Variants in CTIF observed in about 807,000 individuals in gnomAD.
CTIF encodes CBP80/20-dependent translation initiation factor.
A neutral mutation model predicts 66.0 loss-of-function variants in CTIF; 21 were observed. The ratio of observed to expected loss-of-function variants is 0.32; its 90% CI spans 0.23 to 0.46. The LOEUF is 0.46. Ranked by LOEUF, CTIF falls within the 20% of genes least tolerant of loss-of-function variation. CTIF has a pLI of 1.00. For synonymous variants in CTIF, 345 were observed against 326.4 expected (o/e 1.06, Z -0.62); for missense variants, 739 against 812.7 (o/e 0.91, Z 1.10).
At chr18:48,819,430 G>T (rs554075943) in intron 10 of CTIF, among the ~76,000 whole-genome samples, 4 of 152,302 alleles carry the variant, frequency 2.6e-5, no homozygotes, top group South Asian at 2.1e-4. Context: ...GCCCCAACAC[G>T]TTCCCTCTGC....
At chr18:48,622,891 C>G (rs2090521920) in intron 2 of CTIF, among the ~76,000 whole-genome samples, 1 of 152,182 alleles carries the variant, frequency 6.6e-6, no homozygotes, top group Non-Finnish European at 1.5e-5. Context: ...AGGCCTGCAG[C>G]AGGGCATCCT....
chr18:48,666,559 T>TG (rs1231124793), intron 5 of CTIF, among the ~76,000 whole-genome samples: 1 of 152,236 alleles, frequency 6.6e-6, no homozygotes, highest in Non-Finnish European at 1.5e-5. Context: ...TGTGTGTTGC[T>TG]GGGGAGAGGC....
intron 10 of CTIF, among the ~76,000 whole-genome samples, chr18:48,821,785 C>T (rs1316826): frequency 0.76 from 115,097 of 152,220 alleles, 43,997 homozygotes; most frequent in East Asian, 0.97. Flanking sequence ...TAGCAAGCTC[C>T]TTTTTATTTT....
At chr18:48,756,235 C>T (rs998272528) in intron 7 of CTIF, 6 of 152,174 alleles carry the variant, frequency 3.9e-5, no homozygotes, top group African/African-American at 1.4e-4. Context: ...GACAAGGTAC[C>T]CAGCACCCCA....
Position 48,649,013 on chromosome 18 carries a change from C to G in CTIF, c.252+12328C>G, listed in dbSNP as rs1329246864. 3.3e-5 allele frequency among the ~76,000 whole-genome samples: 5 copies of G among 152,310 alleles called. 1 individual carries two copies. The highest frequency in any genetic ancestry group is 6.5e-5 in the Admixed American group (1 of 15,306). The stretch of plus-strand genomic sequence containing the variant: ...CCAAGATGGCCAAATAGGAACAGCT[C>G]TGGTCTGCAGCTCCCAGCATGATTG... On this transcript the variant is annotated intron_variant, in intron 3 of 11. Transcript: ENST00000256413.
chr18:48,766,426 T>A (rs1189639544), intron 9 of CTIF, among the ~76,000 whole-genome samples: 1 of 151,966 alleles, frequency 6.6e-6, no homozygotes, highest in Non-Finnish European at 1.5e-5. Flanking sequence ...AGAGTGGAGG[T>A]CTGGCCTGGG....
intron 6 of CTIF, among the ~76,000 whole-genome samples, chr18:48,696,283 A>G (rs1018246013): frequency 1.5e-4 from 23 of 152,162 alleles, no homozygotes; most frequent in African/African-American, 4.8e-4. Context: ...CTTTCACATC[A>G]GTAGACAGCA....
chr18:48,605,323 T>C (rs2090182717), intron 1 of CTIF, among the ~76,000 whole-genome samples: 1 of 152,248 alleles, frequency 6.6e-6, no homozygotes, highest in Non-Finnish European at 1.5e-5. Flanking sequence ...TTTTTACTTC[T>C]AAGCTTCTAG....
At chr18:48,810,700 G>A (rs1443129874) in intron 9 of CTIF, among the ~76,000 whole-genome samples, 2 of 149,190 alleles carry the variant, frequency 1.3e-5, no homozygotes, top group Non-Finnish European at 3.0e-5. Flanking sequence ...CTTCCTTTCT[G>A]GTTTTTTTCC....
intron 2 of CTIF, among the ~76,000 whole-genome samples, chr18:48,629,571 T>C (rs1350018602): frequency 6.6e-6 from 1 of 152,066 alleles, no homozygotes; most frequent in Non-Finnish European, 1.5e-5. Context: ...GAAATGAACA[T>C]TGATAGAATG....
At chr18:48,777,765 T>G (rs1209178017) in intron 9 of CTIF, among the ~76,000 whole-genome samples, 1 of 152,206 alleles carries the variant, frequency 6.6e-6, no homozygotes, top group East Asian at 1.9e-4. Flanking sequence ...GCCCTGGCTG[T>G]CAACAGGCTT....
intron 6 of CTIF, chr18:48,692,549 G>A (rs1204861866): frequency 6.6e-6 from 1 of 152,190 alleles, no homozygotes; most frequent in African/African-American, 2.4e-5. Context: ...ATGGTACCCT[G>A]CCTCATTACT....
In CTIF at chr18:48,751,703, G is replaced by C. The variant is rs575425264; in HGVS notation, c.585-6216G>C. Among the ~76,000 whole-genome samples the C allele has an allele frequency of 1.2e-4, 18 of 152,306 alleles. No homozygotes were observed. In the South Asian group the frequency reaches 2.3e-3, roughly 19 times the overall value. ...GGAGCTGGGGAAGGCTCCTGCTCAG[G>C]TCTGGACCTTAAGACCTGGATAGGA... On this transcript the variant is annotated intron_variant, in intron 7 of 11. Transcript: ENST00000256413.
chr18:48,839,620 G>A (rs544493698), intron 10 of CTIF, among the ~76,000 whole-genome samples: 4 of 152,306 alleles, frequency 2.6e-5, no homozygotes, highest in South Asian at 4.1e-4. Context: ...CTGGTGGGGC[G>A]GCTGAATCAG....
chr18:48,736,616 G>T (rs533930325), intron 7 of CTIF, among the ~76,000 whole-genome samples: 2 of 152,346 alleles, frequency 1.3e-5, no homozygotes, highest in East Asian at 3.9e-4. Flanking sequence ...GTTGGGGGAA[G>T]AAGGAAAAAC....
intron 7 of CTIF, among the ~76,000 whole-genome samples, chr18:48,736,055 T>G (rs1474137168): frequency 6.6e-6 from 1 of 152,114 alleles, no homozygotes; most frequent in Non-Finnish European, 1.5e-5. Context: ...AAGCGACTGT[T>G]CCTTCCCGGA....
At chr18:48,707,905 A>T (rs1051653858) in intron 6 of CTIF, among the ~76,000 whole-genome samples, 2 of 152,122 alleles carry the variant, frequency 1.3e-5, no homozygotes, top group African/African-American at 4.8e-5. Flanking sequence ...GCAACCACGG[A>T]TCCACTTTCC....
chr18:48,606,000 A>C (rs1044511835), intron 1 of CTIF, among the ~76,000 whole-genome samples: 1 of 152,128 alleles, frequency 6.6e-6, no homozygotes, highest in Non-Finnish European at 1.5e-5. Flanking sequence ...CCATACCTGA[A>C]CCTTCTATGT....
At chr18:48,762,900 C>G (rs1166773435) in intron 9 of CTIF, among the ~76,000 whole-genome samples, 1 of 152,230 alleles carries the variant, frequency 6.6e-6, no homozygotes, top group Non-Finnish European at 1.5e-5. Context: ...ACCCTCTCCT[C>G]TGCATGTGAG....
Sources: gnomAD v4.1 joint callset for allele counts (sites outside exome capture counted in the v4.1 genomes callset) on GRCh38, gnomAD v4.1.1 for gene constraint, MANE v1.5 for transcripts, NCBI Gene and HGNC (gene_info 2026-07-23, HGNC 2026-07-21) for gene names.